Variants in FADS6 observed in about 807,000 individuals in gnomAD.
FADS6 encodes fatty acid desaturase domain family, member 6.
Under a neutral mutation model 31.7 loss-of-function variants are expected in FADS6, and 28 were observed. That is an observed-to-expected ratio of 0.88 (90% confidence interval 0.66 to 1.21). The LOEUF is 1.21. Ranked by LOEUF, FADS6 falls within the 50% of genes most tolerant of loss-of-function variation. FADS6 has a pLI of 0.00. For missense variants in FADS6, 494 were observed against 504.2 expected (o/e 0.98, Z 0.19); for synonymous variants, 191 against 213.1 (o/e 0.90, Z 0.90).
At chr17:74,880,029 C>T (rs116530449) in intron 4 of FADS6, among the ~76,000 whole-genome samples, 61 of 152,282 alleles carry the variant, frequency 4.0e-4, no homozygotes, top group African/African-American at 1.3e-3. Context: ...TCAGACATGA[C>T]CAGGAGCTTC....
In FADS6 at chr17:74,881,232, C is replaced by A. The variant is rs202126530; in HGVS notation, c.616G>T (p.Gly206Trp). The change falls in exon 4 of 6, where the codon GGG (glycine) becomes TGG (tryptophan). Residue 206 changes from glycine (G) to tryptophan (W), a missense_variant. This residue lies in a region of FADS6 where 454 missense variants were observed against 438.5 expected (regional missense o/e 1.04). Transcript: ENST00000612771. ...AGGGCCAGCGTCCGCAGGGCTGTCC[C>A]GAGCTCCACCTTCCTCAGCCGCTCT... is the stretch of plus-strand genomic sequence containing the variant. The part of the protein sequence containing the change: ...AVERLRKVEL[G>W]TALRTLALIS... 6.2e-7 allele frequency: 1 copy of A among 1,602,036 alleles called. No individual in the cohort carries two copies. The highest frequency in any genetic ancestry group is 1.7e-5 in the Admixed American group (1 of 57,668).
intron 1 of FADS6, 52 bp downstream of exon 1, chr17:74,893,300 C>T (rs2038712330): frequency 2.7e-6 from 4 of 1,471,256 alleles, no homozygotes; most frequent in South Asian, 1.3e-5. Context: ...CTCCGCCGCA[C>T]CCCGCCCCCA....
chr17:74,879,505 C>T lies in FADS6; in HGVS notation c.859G>A (p.Ala287Thr). The T allele has an allele frequency of 1.2e-6, 2 of 1,613,880 alleles. No homozygotes were observed. The highest frequency in any genetic ancestry group is 1.7e-6 in the Non-Finnish European group (2 of 1,179,872). Residue 287 changes from alanine to threonine, a missense_variant, in exon 5 of 6, where the codon GCC (alanine) becomes ACC (threonine). Coordinates refer to ENST00000612771, the MANE Select transcript of FADS6 (RefSeq NM_178128.6). ...HMMSLGVLNL[A>T]RLPVLDWAFG... is the part of the protein sequence containing the mutation. ...GCCCAGTCCAGCACGGGCAGCCGGG[C>T]CAGGTTAAGCACCCCCAGGCTCATC...
intron 2 of FADS6, among the ~76,000 whole-genome samples, chr17:74,888,149 C>T (rs1342569236): frequency 2.4e-4 from 26 of 107,334 alleles, no homozygotes; most frequent in Admixed American, 3.5e-4. Flanking sequence ...CACACACACA[C>T]ACACACGCGC....
chr17:74,881,210 G>C lies in FADS6; in HGVS notation c.638C>G (p.Ala213Gly). 1 of 1,609,244 alleles carries C rather than the reference G, an allele frequency of 6.2e-7. No homozygotes were observed. Among genetic ancestry groups the C allele is most frequent in the Non-Finnish European group, 8.5e-7 (1 of 1,177,864 alleles). The change falls in exon 4 of 6, where the codon GCC becomes GGC. Residue 213 changes from alanine to glycine, a missense_variant. Physicochemically the swap from Ala to Gly is moderately conservative, Grantham distance 60. Around this residue, in one of 2 missense-constraint regions of FADS6, gnomAD observed 454 missense variants for 438.5 expected, o/e 1.04. Transcript: ENST00000612771. ...AGAATAAAGGCCCAGAGAAATCAGG[G>C]CCAGCGTCCGCAGGGCTGTCCCGAG... is the stretch of plus-strand genomic sequence containing the variant. ...VELGTALRTLALISLGLYSHY... is the reference protein window; with the variant it reads ...VELGTALRTLGLISLGLYSHY...
chr17:74,888,248 G>A (rs1428854504), intron 2 of FADS6, among the ~76,000 whole-genome samples: 1 of 151,862 alleles, frequency 6.6e-6, no homozygotes, highest in Non-Finnish European at 1.5e-5. Flanking sequence ...CGTGAAATTG[G>A]ATGAAGGCTA....
Position 74,878,403 on chromosome 17 carries a change from G to A in FADS6, c.1035C>T (p.Phe345=), listed in dbSNP as rs1454790654. The A allele has an allele frequency of 6.2e-7, 1 of 1,614,040 alleles. No homozygotes were observed. The change falls in exon 6 of 6, where the codon TTC becomes TTT. Residue 345 remains phenylalanine (F), a synonymous_variant. Transcript: ENST00000612771. ...PYNEDSYLAR[F]QLFLRRYEEF... ...CCTCATAGCGACGGAGAAACAGCTGGAAGCGAGCCAGGTATGAGTCCTCGT... is the reference window on the plus strand; with the variant it reads ...CCTCATAGCGACGGAGAAACAGCTGAAAGCGAGCCAGGTATGAGTCCTCGT...
In FADS6 at chr17:74,893,610, C is replaced by CCGT. The variant is rs751573243; in HGVS notation, c.-16_-15insACG. On this transcript the variant is annotated 5_prime_UTR_variant, in exon 1 of 6. Transcript: ENST00000612771. The stretch of plus-strand genomic sequence containing the variant: ...GTGGGTTCCATGGACTCTGTGGGCT[C>CCGT]GGGCCCGACGCGCACGGAGGACTGG... 3.8e-6 allele frequency: 5 copies of CCGT among 1,332,628 alleles called. No homozygotes were observed. The highest frequency in any genetic ancestry group is 2.1e-5 in the South Asian group (1 of 47,510). The allele number at this position is 1,332,628 out of a possible 1,614,324, so 82.6% of individuals were successfully genotyped here. A position where few individuals can be genotyped will look rare whatever the true frequency, so the allele number is the denominator to read the frequency against.
At chr17:74,879,156 G>C (rs778472088) in intron 5 of FADS6, 3 of 461,640 alleles carry the variant, frequency 6.5e-6, no homozygotes, top group Admixed American at 3.8e-5. Flanking sequence ...CCTCACCTCA[G>C]CTTCCAAGCA....
chr17:74,884,912 T>C (rs921216164), intron 2 of FADS6, among the ~76,000 whole-genome samples: 2 of 152,144 alleles, frequency 1.3e-5, no homozygotes, highest in African/African-American at 4.8e-5. Context: ...TTTCGCCACG[T>C]TGGCCAGACT....
At chr17:74,879,174 C>G (rs981593797) in intron 5 of FADS6, 10 of 519,288 alleles carry the variant, frequency 1.9e-5, no homozygotes, top group Admixed American at 3.5e-5. Context: ...GCAGCTGGGA[C>G]CACAAGCATG....
Position 74,893,621 on chromosome 17 carries a change from C to A in FADS6, c.-26G>T. On this transcript the variant is annotated 5_prime_UTR_variant, in exon 1 of 6. Coordinates refer to ENST00000612771, the MANE Select transcript of FADS6 (RefSeq NM_178128.6). Reference sequence around the variant, plus strand: ...GGACTCTGTGGGCTCGGGCCCGACGCGCACGGAGGACTGGAGGACTGGGGC... The same window carrying A: ...GGACTCTGTGGGCTCGGGCCCGACGAGCACGGAGGACTGGAGGACTGGGGC... The A allele has an allele frequency of 1.5e-6, 2 of 1,293,186 alleles. No homozygotes were observed. Among genetic ancestry groups the A allele is most frequent in the Non-Finnish European group, 2.0e-6 (2 of 1,010,930 alleles). 80.1% of individuals were successfully genotyped at this position (1,293,186 alleles called of 1,614,324 possible).
chr17:74,882,255 C>G (rs769945212), intron 3 of FADS6, among the ~76,000 whole-genome samples: 20 of 152,198 alleles, frequency 1.3e-4, no homozygotes, highest in Admixed American at 2.6e-4. Flanking sequence ...CATTTTTATA[C>G]TTAGGACCTC....
Position 74,886,952 on chromosome 17 carries a change from G to A in FADS6, c.412-4242C>T, listed in dbSNP as rs2038629560. 2.0e-5 allele frequency among the ~76,000 whole-genome samples: 3 copies of A among 152,146 alleles called. No individual in the cohort carries two copies. The South Asian group carries it at 6.2e-4, about 32-fold the overall frequency. ...TGCATGATTCACATTTGGGACTCGG[G>A]CACTTTTTGTGTCAGGGACTGTCCT... is the stretch of plus-strand genomic sequence containing the variant. On this transcript the variant is annotated intron_variant, in intron 2 of 5. Transcript: ENST00000612771.
rs761894405 is a variant in FADS6, at chr17:74,889,112, C to T, written c.411+3411G>A. On this transcript the variant is annotated intron_variant, in intron 2 of 5. Coordinates refer to ENST00000612771, the MANE Select transcript of FADS6 (RefSeq NM_178128.6). ...ACAACAGCCTGGAGTGGAAGCCTCC[C>T]CCTCCAACCTGTTTGCCCCTCCCCC... is the stretch of plus-strand genomic sequence containing the variant. Among the ~76,000 whole-genome samples the T allele has an allele frequency of 2.6e-5, 4 of 152,146 alleles. No homozygotes were observed. The East Asian group carries it at 5.8e-4, about 22-fold the overall frequency.
intron 2 of FADS6, among the ~76,000 whole-genome samples, chr17:74,891,782 C>T (rs373950910): frequency 3.9e-5 from 6 of 152,206 alleles, no homozygotes; most frequent in Admixed American, 2.0e-4. Context: ...TTGGTCACAA[C>T]GACCAGTCCT....
downstream of FADS6, among the ~76,000 whole-genome samples, chr17:74,875,231 G>A (rs535655047): frequency 4.6e-5 from 7 of 152,272 alleles, no homozygotes; most frequent in South Asian, 2.1e-4. Context: ...ACATTTGGGG[G>A]AAATATGAAT....
chr17:74,893,480 C>A lies in FADS6; in HGVS notation c.116G>T (p.Arg39Leu), dbSNP rs553427101. The change falls in exon 1 of 6, where the codon CGT becomes CTT. Residue 39 changes from arginine (R) to leucine (L), a missense_variant. Around this residue, in one of 2 missense-constraint regions of FADS6, gnomAD observed 454 missense variants for 438.5 expected, o/e 1.04. Transcript: ENST00000612771. Reference protein sequence around the residue: ...EPMEPARSAHRGGEALLRELE... With the variant: ...EPMEPARSAHLGGEALLRELE... ...CTCCCGCAGCAGCGCCTCGCCCCCA[C>A]GGTGCGCGCTCCGCGCCGGTTCCAT... 2 of 1,552,150 alleles carry A rather than the reference C, an allele frequency of 1.3e-6. No individual in the cohort carries two copies. Among genetic ancestry groups the A allele is most frequent in the Admixed American group, 3.7e-5 (2 of 54,178 alleles).
intron 4 of FADS6, 109 bp downstream of exon 4, chr17:74,880,959 C>T (rs985572924): frequency 7.7e-6 from 9 of 1,169,782 alleles, no homozygotes; most frequent in African/African-American, 3.1e-5. Context: ...GAGGATGCCT[C>T]ATCCTTCAGG....
Sources: allele counts gnomAD v4.1 joint callset (sites outside exome capture counted in the v4.1 genomes callset), GRCh38; gene constraint gnomAD v4.1.1; regional missense constraint gnomAD v4.1.1; transcripts MANE v1.5; gene names NCBI Gene and HGNC (gene_info 2026-07-23, HGNC 2026-07-21).